Variants in RPS6KA5 observed in about 807,000 individuals in gnomAD.
RPS6KA5 encodes the protein ribosomal protein S6 kinase alpha-5.
RPS6KA5 carries 27 observed loss-of-function variants against 85.5 expected under a neutral mutation model. The ratio of observed to expected loss-of-function variants is 0.32; its 90% CI spans 0.23 to 0.44. The LOEUF is 0.44. RPS6KA5 is among the 20% of genes least tolerant of loss of function. The probability of loss-of-function intolerance (pLI) is 1.00; values close to 1 mark genes in which losing one functional copy is unlikely to be tolerated. For missense variants in RPS6KA5, 811 were observed against 980.9 expected, an observed-to-expected ratio of 0.83 and a Z score of 2.31; for synonymous variants, 334 against 348.2, an observed-to-expected ratio of 0.96 and a Z score of 0.46.
Position 90,862,221 on chromosome 14 carries a change from A to T in RPS6KA5, c.*9853T>A, listed in dbSNP as rs1169816570. 6.6e-6 allele frequency: 1 copy of T among 152,218 alleles called. No individual in the cohort carries two copies. Among genetic ancestry groups the T allele is most frequent in the African/African-American group, 2.4e-5 (1 of 41,460 alleles). 9.4% of individuals were successfully genotyped at this position (152,218 alleles called of 1,614,324 possible). ...TAGACAAGATATATTCCAATTAATG[A>T]CAACTTTCCCACAAAGAAAACTTCT... On this transcript the variant is annotated 3_prime_UTR_variant, in exon 17 of 17. Coordinates refer to ENST00000614987, the MANE Select transcript of RPS6KA5 (RefSeq NM_004755.4).
At chr14:91,047,856 C>T (rs2042936166) in intron 1 of RPS6KA5, among the ~76,000 whole-genome samples, 1 of 152,200 alleles carries the variant, frequency 6.6e-6, no homozygotes, top group South Asian at 2.1e-4. Flanking sequence ...GGCCTCCCTT[C>T]CAGCAATGGC....
chr14:90,928,290 T>A (rs991494387), intron 5 of RPS6KA5, among the ~76,000 whole-genome samples: 1 of 152,118 alleles, frequency 6.6e-6, no homozygotes, highest in Non-Finnish European at 1.5e-5. Context: ...GCTAGAGCTA[T>A]TTTTAAAAAT....
chr14:91,033,284 C>T (rs2042265400), intron 1 of RPS6KA5, among the ~76,000 whole-genome samples: 2 of 152,028 alleles, frequency 1.3e-5, no homozygotes, highest in South Asian at 2.1e-4. Context: ...AAGATTCATC[C>T]CTATCAGATT....
intron 5 of RPS6KA5, among the ~76,000 whole-genome samples, chr14:90,929,919 G>A (rs144049778): frequency 0.012 from 1,851 of 152,160 alleles, 20 homozygotes; most frequent in Non-Finnish European, 0.016. Context: ...TGTCTAGGCT[G>A]GAGTGCAGTG....
At chr14:91,031,326 C>CA (rs906037743) in intron 1 of RPS6KA5, among the ~76,000 whole-genome samples, 12 of 150,738 alleles carry the variant, frequency 8.0e-5, no homozygotes, top group Non-Finnish European at 8.9e-5. Context: ...AAAGCTTTTC[C>CA]AAAAAAAAAT....
intron 5 of RPS6KA5, among the ~76,000 whole-genome samples, chr14:90,941,213 C>T (rs1045781231): frequency 6.6e-6 from 1 of 152,102 alleles, no homozygotes; most frequent in African/African-American, 2.4e-5. Context: ...AATACAGTCA[C>T]AAAACTATTT....
chr14:90,925,083 C>T (rs370784371), intron 5 of RPS6KA5, among the ~76,000 whole-genome samples: 5 of 152,128 alleles, frequency 3.3e-5, no homozygotes, highest in Admixed American at 1.3e-4. Context: ...CACTGGTAAT[C>T]GCCAAAGACC....
intron 3 of RPS6KA5, among the ~76,000 whole-genome samples, chr14:90,977,853 G>A (rs1463597723): frequency 6.6e-6 from 1 of 152,160 alleles, no homozygotes; most frequent in Non-Finnish European, 1.5e-5. Flanking sequence ...TCTGGAGTTC[G>A]AGAGCAGGCT....
At chr14:90,975,407 A>C (rs897579780) in intron 3 of RPS6KA5, among the ~76,000 whole-genome samples, 3 of 152,136 alleles carry the variant, frequency 2.0e-5, no homozygotes, top group African/African-American at 7.2e-5. Flanking sequence ...TGTGACTGTA[A>C]ATGGAGTTAA....
chr14:91,046,924 G>T (rs907324844), intron 1 of RPS6KA5, among the ~76,000 whole-genome samples: 1 of 151,632 alleles, frequency 6.6e-6, no homozygotes, highest in Admixed American at 6.6e-5. Context: ...GCCTGTAATC[G>T]CAGCACTTCT....
intron 1 of RPS6KA5, among the ~76,000 whole-genome samples, chr14:91,030,415 T>C (rs184783586): frequency 2.0e-5 from 3 of 151,952 alleles, no homozygotes; most frequent in East Asian, 1.9e-4. Context: ...GATCCTTTTA[T>C]GGAAAAATGA....
chr14:91,047,792 T>C (rs746506854), intron 1 of RPS6KA5, among the ~76,000 whole-genome samples: 13 of 152,226 alleles, frequency 8.5e-5, no homozygotes, highest in Non-Finnish European at 1.8e-4. Context: ...TTGGATATTC[T>C]AGGTGAAAAT....
chr14:90,998,414 A>G (rs1453106828), intron 2 of RPS6KA5, among the ~76,000 whole-genome samples: 1 of 152,232 alleles, frequency 6.6e-6, no homozygotes, highest in Non-Finnish European at 1.5e-5. Flanking sequence ...ACATACAGAC[A>G]AAACAGATAA....
At chr14:90,875,454 C>T (rs1015722041) in intron 14 of RPS6KA5, 94 bp from the exon 15 acceptor site, 12 of 1,089,366 alleles carry the variant, frequency 1.1e-5, no homozygotes, top group Non-Finnish European at 1.4e-5. Flanking sequence ...TGTAATTTAC[C>T]AATTGCTACA....
At chr14:91,054,127 T>C (rs187051522) in intron 1 of RPS6KA5, among the ~76,000 whole-genome samples, 208 of 152,290 alleles carry the variant, frequency 1.4e-3, no homozygotes, top group Non-Finnish European at 2.4e-3. Context: ...GCTGGAACAA[T>C]TGGATATTTA....
chr14:90,901,811 A>G (rs1035632262), intron 9 of RPS6KA5, among the ~76,000 whole-genome samples: 1 of 150,926 alleles, frequency 6.6e-6, no homozygotes, highest in African/African-American at 2.5e-5. Flanking sequence ...TATAAAATCT[A>G]AATCTTTTTT....
intron 1 of RPS6KA5, among the ~76,000 whole-genome samples, chr14:91,045,099 G>A (rs1318008754): frequency 6.6e-6 from 1 of 152,080 alleles, no homozygotes; most frequent in Non-Finnish European, 1.5e-5. Flanking sequence ...CTACTAAACT[G>A]AGAGCTAATA....
chr14:90,882,654 T>G (rs185330324), intron 14 of RPS6KA5, among the ~76,000 whole-genome samples: 2 of 152,270 alleles, frequency 1.3e-5, no homozygotes, highest in African/African-American at 4.8e-5. Context: ...TTGCCAGAGA[T>G]AGGATTCTTG....
At chr14:90,888,997 G>A (rs1326186462) in intron 14 of RPS6KA5, among the ~76,000 whole-genome samples, 1 of 152,110 alleles carries the variant, frequency 6.6e-6, no homozygotes, top group Non-Finnish European at 1.5e-5. Context: ...CTCATAAAGA[G>A]CAATTCATAA....
Sources: gnomAD v4.1 joint callset for allele counts (sites outside exome capture counted in the v4.1 genomes callset) on GRCh38, gnomAD v4.1.1 for gene constraint, MANE v1.5 for transcripts, NCBI Gene and HGNC (gene_info 2026-07-23, HGNC 2026-07-21) for gene names.